KIF7: variants seen among roughly 807,000 people sequenced by gnomAD.
The protein encoded by KIF7 is kinesin-like protein KIF7.
A neutral mutation model predicts 135.7 loss-of-function variants in KIF7; 104 were observed. That is an observed-to-expected ratio of 0.77 (90% CI 0.65 to 0.90). The LOEUF (loss-of-function observed/expected upper bound fraction) is 0.90. Among genes scored for constraint, KIF7 ranks in the 40% least tolerant of loss-of-function variants. The pLI is 0.00. For synonymous variants in KIF7, 883 were observed against 809.4 expected, an observed-to-expected ratio of 1.09 and a Z score of -1.54; for missense variants, 2,005 against 1,839.1, an observed-to-expected ratio of 1.09 and a Z score of -1.65.
chr15:89,630,947 C>A, intron 15 of KIF7: 1 of 299,342 alleles, frequency 3.3e-6, no homozygotes, highest in African/African-American at 2.1e-5. Flanking sequence ...CAAGCCTGGA[C>A]AGCATGTGAC....
chr15:89,626,677 A>G (rs542538170), downstream of KIF7, among the ~76,000 whole-genome samples: 8 of 152,254 alleles, frequency 5.3e-5, no homozygotes, highest in African/African-American at 1.9e-4. Flanking sequence ...CAGAGATCTG[A>G]GACCTAGAAA....
At chr15:89,619,734 A>G (rs900786620) in intron 1 of KIF7, 3 of 1,612,942 alleles carry the variant, frequency 1.9e-6, no homozygotes, top group African/African-American at 1.3e-5. Flanking sequence ...AAGTCCTCGA[A>G]TCAAGCAGTT....
rs1294069213 is a variant in KIF7 at position 89,628,412 on chromosome 15, C to T, written c.*7G>A. 1.8e-5 allele frequency: 29 copies of T among 1,600,762 alleles called. No individual in the cohort carries two copies. The highest frequency in any genetic ancestry group is 2.2e-5 in the South Asian group (2 of 89,170). On this transcript the variant is annotated 3_prime_UTR_variant, in exon 19 of 19. Coordinates refer to ENST00000394412, the MANE Select transcript of KIF7 (RefSeq NM_198525.3). ...TCTCCCTCCAAGGCAGGGTCTGCCC[C>T]GAGGGCTTACAGGGGGTTTTTCCGG...
At chr15:89,632,515 A>G (rs1963701640) in intron 14 of KIF7, among the ~76,000 whole-genome samples, 1 of 152,120 alleles carries the variant, frequency 6.6e-6, no homozygotes, top group South Asian at 2.1e-4. Context: ...ATACATCTGT[A>G]ACTGTGTCAT....
intron 1 of KIF7, among the ~76,000 whole-genome samples, chr15:89,620,950 C>T (rs560219353): frequency 1.2e-4 from 18 of 151,626 alleles, no homozygotes; most frequent in African/African-American, 1.7e-4. Flanking sequence ...TCTCGATCTC[C>T]GACTTAGTGA....
downstream of KIF7, chr15:89,625,217 A>G: frequency 6.2e-7 from 1 of 1,613,688 alleles, no homozygotes; most frequent in Non-Finnish European, 8.5e-7. Flanking sequence ...ACACCTGGCA[A>G]GAGCAGGGGG....
In KIF7 at chr15:89,633,858, G is replaced by A. The variant is rs757175418; in HGVS notation, c.2420C>T (p.Thr807Met). 5.3e-5 allele frequency: 86 copies of A among 1,613,570 alleles called. No homozygotes were observed. The highest frequency in any genetic ancestry group is 3.7e-4 in the Admixed American group (22 of 60,008). Residue 807 changes from threonine (T) to methionine (M), a missense_variant, in exon 12 of 19, where the codon ACG becomes ATG. Thr to Met is a moderately conservative substitution (Grantham distance 81). Transcript: ENST00000394412. Reference sequence around the variant, plus strand: ...GGCCGACAGTGACACCAGCCGCTCCGTAGCCTGCTTCTTCTCCTTCAGCAC... The same window carrying A: ...GGCCGACAGTGACACCAGCCGCTCCATAGCCTGCTTCTTCTCCTTCAGCAC... The part of the protein sequence containing the change: ...VQVLKEKKQA[T>M]ERLVSLSAQS...
chr15:89,653,200 GA>G lies in KIF7; in HGVS notation c.-24-247del, dbSNP rs138670876. On this transcript the variant is annotated intron_variant, in intron 1 of 18. Coordinates refer to ENST00000394412, the MANE Select transcript of KIF7 (RefSeq NM_198525.3). ...CTGGCGAAATGAGGCCCTAACTCCT[GA>G]ACTCCAGTGTTTCAGCTGCACTCTT... is the stretch of plus-strand genomic sequence containing the variant. Among the ~76,000 whole-genome samples the G allele has an allele frequency of 1.8e-4, 28 of 152,268 alleles. No homozygotes were observed. The East Asian group carries it at 5.4e-3, about 29-fold the overall frequency.
intron 15 of KIF7, 190 bp from the exon 16 acceptor site, chr15:89,630,683 G>T: frequency 1.5e-6 from 1 of 651,362 alleles, no homozygotes; most frequent in Non-Finnish European, 2.8e-6. Context: ...GGTGAGCTGG[G>T]GGCACTGCTC....
intron 11 of KIF7, among the ~76,000 whole-genome samples, chr15:89,637,074 TGAC>T (rs1963823857): frequency 1.1e-5 from 1 of 92,192 alleles, no homozygotes; most frequent in Admixed American, 1.2e-4. Context: ...TGCTCCTGAA[TGAC>T]TACTGGGTAC....
rs759168186 is a variant in KIF7 at position 89,633,745 on chromosome 15, C to T, written c.2533G>A (p.Glu845Lys). 1 of 1,609,558 alleles carries T rather than the reference C, an allele frequency of 6.2e-7. No homozygotes were observed. Among genetic ancestry groups the T allele is most frequent in the Non-Finnish European group, 8.5e-7 (1 of 1,179,910 alleles). Residue 845 changes from glutamate to lysine, a missense_variant, in exon 12 of 19, where the codon GAG (glutamate) becomes AAG (lysine). Coordinates refer to ENST00000394412, the MANE Select transcript of KIF7 (RefSeq NM_198525.3). ...TCCAGGCGCCGCTTCTGCTCCGTCT[C>T]CTCGCGAAGCCGCCTCTGCAGCTGT... The part of the protein sequence containing the change: ...QGQLQRRLRE[E>K]TEQKRRLEAE...
chr15:89,621,982 C>CTTTTTTTTTTTTTTT (rs34123859), intron 1 of KIF7, among the ~76,000 whole-genome samples: 1 of 87,778 alleles, frequency 1.1e-5, no homozygotes, highest in Non-Finnish European at 2.1e-5. Context: ...CAAACTGACT[C>CTTTTTTTTTTTTTTT]TTTTTTTTTT....
intron 11 of KIF7, among the ~76,000 whole-genome samples, chr15:89,637,691 C>A (rs375335423): frequency 3.0e-5 from 4 of 134,452 alleles, no homozygotes. Context: ...GCTTACCAAC[C>A]AAAAAAAGTC....
chr15:89,618,833 C>T (rs1963377119), intron 1 of KIF7, among the ~76,000 whole-genome samples: 1 of 152,230 alleles, frequency 6.6e-6, no homozygotes, highest in African/African-American at 2.4e-5. Context: ...TTGGCATACT[C>T]CTATGGTCCC....
At chr15:89,631,775 G>A (rs1202305177) in intron 14 of KIF7, 65 bp from the exon 15 acceptor site, 29 of 1,383,908 alleles carry the variant, frequency 2.1e-5, no homozygotes, top group Non-Finnish European at 2.9e-5. Context: ...GGGACAGAAA[G>A]GGCCGGATGT....
In KIF7 at chr15:89,632,947, AG is replaced by A; in HGVS notation, c.2767del (p.Leu923TyrfsTer27). 6.6e-7 allele frequency: 1 copy of A among 1,518,098 alleles called. No homozygotes were observed. The highest frequency in any genetic ancestry group is 2.6e-5 in the East Asian group (1 of 38,502). 94.0% of individuals were successfully genotyped at this position (1,518,098 alleles called of 1,614,324 possible). A position where few individuals can be genotyped will look rare whatever the true frequency, so the allele number is the denominator to read the frequency against. On this transcript the variant is annotated frameshift_variant, in exon 14 of 19. Coordinates refer to ENST00000394412, the MANE Select transcript of KIF7 (RefSeq NM_198525.3). LOFTEE classifies it high-confidence loss of function. ...KWLDQEMEKV[L>X]QQRRALEELG... ...CTCCTCCAGCGCCCGCCGCTGCTGT[AG>A]CACCTTCTCCATCTCCTGGTCCAGC...
In KIF7 at chr15:89,629,375, C is replaced by G. The variant is rs1963619884; in HGVS notation, c.3517G>C (p.Asp1173His). The G allele has an allele frequency of 8.2e-6, 13 of 1,592,554 alleles. No homozygotes were observed. The highest frequency in any genetic ancestry group is 1.0e-5 in the Non-Finnish European group (12 of 1,174,896). Residue 1173 changes from aspartate (D) to histidine (H), a missense_variant and splice_region_variant, in exon 17 of 19, where the codon GAC becomes CAC. Coordinates refer to ENST00000394412, the MANE Select transcript of KIF7 (RefSeq NM_198525.3). ...NMQLLLQQSR[D>H]HLGEGLADSR... ...GTGAGCCATGGGCCGGGCTGCTCAC[C>G]TCGACTCTGCTGCAGGAGCAGCTGC...
downstream of KIF7, among the ~76,000 whole-genome samples, chr15:89,626,243 T>C (rs1380868376): frequency 1.3e-5 from 2 of 152,172 alleles, no homozygotes; most frequent in African/African-American, 4.8e-5. Context: ...CTTGTGTGCA[T>C]GTGAACAGAA....
downstream of KIF7, chr15:89,626,956 A>T (rs1007217433): frequency 1.2e-6 from 2 of 1,613,526 alleles, no homozygotes; most frequent in African/African-American, 2.7e-5. Flanking sequence ...CTTCTTCTAG[A>T]TGAGGATGTG....
Sources: gnomAD v4.1 joint callset for allele counts (sites outside exome capture counted in the v4.1 genomes callset) on GRCh38, gnomAD v4.1.1 for gene constraint, MANE v1.5 for transcripts, NCBI Gene and HGNC (gene_info 2026-07-23, HGNC 2026-07-21) for gene names.